The following FRMPD4 variants were observed in gnomAD, a reference collection of about 807,000 sequenced individuals.
FRMPD4 encodes FERM and PDZ domain-containing protein 4.
Under a neutral mutation model 94.1 loss-of-function variants are expected in FRMPD4, and 22 were observed. The ratio of observed to expected loss-of-function variants is 0.23; its 90% CI spans 0.17 to 0.33. The LOEUF is 0.33. Among genes scored for constraint, FRMPD4 ranks in the 10% least tolerant of loss-of-function variants. FRMPD4 has a pLI of 1.00. For synonymous variants in FRMPD4, 631 were observed against 548.6 expected, an observed-to-expected ratio of 1.15 and a Z score of -2.10; for missense variants, 1,111 against 1,339.9, an observed-to-expected ratio of 0.83 and a Z score of 2.67.
At chrX:12,435,358 A>G (rs1442207185) in intron 1 of FRMPD4, among the ~76,000 whole-genome samples, 1 of 111,844 alleles carries the variant, frequency 8.9e-6, no homozygotes, top group Non-Finnish European at 1.9e-5. Context: ...TATCTATTGT[A>G]TATTCAATAT....
At chrX:12,627,669 G>A (rs1160642682) in intron 4 of FRMPD4, among the ~76,000 whole-genome samples, 3 of 112,178 alleles carry the variant, frequency 2.7e-5, no homozygotes, top group Non-Finnish European at 3.8e-5. Flanking sequence ...TTATCTTAAT[G>A]TCCTTAGATT....
rs150260704 is a variant in FRMPD4, at chrX:12,375,833, G to A, written c.42-122847G>A. ...TTGGAATTTCAAGGCCCAGCCATCC[G>A]TAGTTGCTTCTCAGCTTTTCTTCCC... On this transcript the variant is annotated intron_variant, in intron 1 of 16. Coordinates refer to ENST00000675598, the MANE Select transcript of FRMPD4 (RefSeq NM_001368397.1). Among the ~76,000 whole-genome samples the A allele has an allele frequency of 3.6e-3, 407 of 112,151 alleles. 1 individual carries two copies. Among genetic ancestry groups the A allele is most frequent in the African/African-American group, 0.013 (392 of 30,927 alleles).
At chrX:12,057,207 G>A (rs745886673) in intron 3 of FRMPD4, among the ~76,000 whole-genome samples, 5 of 111,300 alleles carry the variant, frequency 4.5e-5, no homozygotes, top group South Asian at 3.7e-4. Flanking sequence ...GCCTAATTTC[G>A]TCTCATCAGC....
chrX:12,691,907 G>C (rs1210763454), intron 8 of FRMPD4, among the ~76,000 whole-genome samples: 1 of 110,167 alleles, frequency 9.1e-6, no homozygotes, highest in Non-Finnish European at 1.9e-5. Flanking sequence ...CTACTCTCTT[G>C]TTATTGGGGT....
intron 1 of FRMPD4, among the ~76,000 whole-genome samples, chrX:12,329,306 C>T (rs2055335445): frequency 9.0e-6 from 1 of 110,979 alleles, no homozygotes; most frequent in Non-Finnish European, 1.9e-5. Context: ...AGTTTCCACA[C>T]AAAAAAGCAG....
chrX:12,390,717 T>A (rs1419579893), intron 1 of FRMPD4, among the ~76,000 whole-genome samples: 4 of 111,995 alleles, frequency 3.6e-5, no homozygotes, highest in Non-Finnish European at 7.5e-5. Flanking sequence ...GTTTGTCACT[T>A]TTTTTCTGTA....
intron 1 of FRMPD4, among the ~76,000 whole-genome samples, chrX:12,344,624 A>G (rs1386703912): frequency 8.9e-6 from 1 of 112,485 alleles, no homozygotes; most frequent in African/African-American, 3.2e-5. Flanking sequence ...AATTATTAAA[A>G]TAGTACTGAG....
At chrX:12,211,912 C>T (rs1430178695) in intron 1 of FRMPD4, among the ~76,000 whole-genome samples, 1 of 111,974 alleles carries the variant, frequency 8.9e-6, no homozygotes, top group Non-Finnish European at 1.9e-5. Context: ...TGTATAGTTT[C>T]TTAAATCACC....
chrX:11,925,596 A>G (rs772224692), intron 3 of FRMPD4, among the ~76,000 whole-genome samples: 1 of 112,300 alleles, frequency 8.9e-6, no homozygotes, highest in African/African-American at 3.2e-5. Flanking sequence ...AGACTAAGAA[A>G]TTCACTCAAA....
At chrX:12,485,243 A>G (rs2057727474) in intron 1 of FRMPD4, among the ~76,000 whole-genome samples, 1 of 112,551 alleles carries the variant, frequency 8.9e-6, no homozygotes, top group African/African-American at 3.2e-5. Context: ...TCTATTTGCA[A>G]TCTAGTTTAT....
At chrX:11,825,600 A>C (rs1435970216) in intron 1 of FRMPD4, among the ~76,000 whole-genome samples, 1 of 111,476 alleles carries the variant, frequency 9.0e-6, no homozygotes, top group African/African-American at 3.3e-5. Flanking sequence ...GTATCCTGAT[A>C]GTGGTGGTTA....
At chrX:12,034,868 G>C in intron 3 of FRMPD4, among the ~76,000 whole-genome samples, 1 of 112,321 alleles carries the variant, frequency 8.9e-6, no homozygotes, top group South Asian at 3.7e-4. Context: ...AGCAACCAGC[G>C]TTTGAGTGTT....
chrX:12,603,795 C>T (rs1392456152), intron 2 of FRMPD4, among the ~76,000 whole-genome samples: 1 of 109,857 alleles, frequency 9.1e-6, no homozygotes, highest in Non-Finnish European at 1.9e-5. Context: ...AACAAGGACT[C>T]AAGTGTCTTT....
At chrX:12,552,556 T>C (rs958772363) in intron 2 of FRMPD4, among the ~76,000 whole-genome samples, 3 of 112,146 alleles carry the variant, frequency 2.7e-5, no homozygotes, top group African/African-American at 9.7e-5. Context: ...GGATGTTTAT[T>C]CAAATTGCCA....
intron 3 of FRMPD4, among the ~76,000 whole-genome samples, chrX:12,053,856 G>T (rs1343835593): frequency 8.9e-6 from 1 of 112,175 alleles, no homozygotes; most frequent in African/African-American, 3.2e-5. Context: ...AAGACCTAAA[G>T]AAATGGTTAA....
intron 1 of FRMPD4, among the ~76,000 whole-genome samples, chrX:12,410,616 C>A (rs994732270): frequency 8.1e-5 from 9 of 111,412 alleles, no homozygotes; most frequent in African/African-American, 2.9e-4. Context: ...ATTGATCCTG[C>A]CCACAGTCCT....
chrX:12,606,100 G>A (rs1468966251), intron 2 of FRMPD4, among the ~76,000 whole-genome samples: 1 of 112,059 alleles, frequency 8.9e-6, no homozygotes, highest in Admixed American at 9.4e-5. Context: ...TGCTTAGCAT[G>A]AAATTAATGT....
At chrX:12,670,780 C>T (rs1202901031) in intron 4 of FRMPD4, among the ~76,000 whole-genome samples, 1 of 112,028 alleles carries the variant, frequency 8.9e-6, no homozygotes, top group Non-Finnish European at 1.9e-5. Context: ...GCAAAAGAAA[C>T]TACCATCAGA....
At chrX:12,443,633 C>G (rs1327731319) in intron 1 of FRMPD4, among the ~76,000 whole-genome samples, 2 of 111,336 alleles carry the variant, frequency 1.8e-5, no homozygotes, top group Non-Finnish European at 3.8e-5. Context: ...CATCTGAAGA[C>G]TAAAATAGCC....
Sources: allele counts gnomAD v4.1 joint callset (sites outside exome capture counted in the v4.1 genomes callset), GRCh38; gene constraint gnomAD v4.1.1; transcripts MANE v1.5; gene names NCBI Gene and HGNC (gene_info 2026-07-23, HGNC 2026-07-21).